ZNF653: variants seen among roughly 807,000 people sequenced by gnomAD.
The protein encoded by ZNF653 is zinc finger protein 653, also known as 67 kDa zinc finger protein.
In ZNF653, 37 loss-of-function variants were observed where a neutral mutation model predicts 59.9. The ratio of observed to expected loss-of-function variants is 0.62; its 90% confidence interval spans 0.48 to 0.81. The LOEUF is 0.81. ZNF653 is among the 40% of genes least tolerant of loss of function. The pLI is 0.00. For synonymous variants in ZNF653, 435 were observed against 371.8 expected, an observed-to-expected ratio of 1.17 and a Z score of -1.96; for missense variants, 808 against 881.1, an observed-to-expected ratio of 0.92 and a Z score of 1.05.
rs987073427 is a variant in ZNF653 at position 11,493,401 on chromosome 19, G to A, written c.559+2549C>T. ...TGAGTAAATATGTATAAGGGTTTAGGACAGTAGGAGATTAAAAGTATGTAC... is the reference window on the plus strand; with the variant it reads ...TGAGTAAATATGTATAAGGGTTTAGAACAGTAGGAGATTAAAAGTATGTAC... On this transcript the variant is annotated intron_variant, in intron 3 of 8. Coordinates refer to ENST00000293771, the MANE Select transcript of ZNF653 (RefSeq NM_138783.4). 4.6e-5 allele frequency among the ~76,000 whole-genome samples: 7 copies of A among 152,250 alleles called. No individual in the cohort carries two copies. In the South Asian group the frequency reaches 1.5e-3, roughly 32 times the overall value.
At position 11,483,544 on chromosome 19, in the gene ZNF653, G is replaced by A. The variant is rs1297839654; in HGVS notation, c.*138C>T. 4 of 1,418,408 alleles carry A rather than the reference G, an allele frequency of 2.8e-6. No individual in the cohort carries two copies. Among genetic ancestry groups the A allele is most frequent in the Non-Finnish European group, 3.7e-6 (4 of 1,085,094 alleles). The allele number at this position is 1,418,408 out of a possible 1,614,324, so 87.9% of individuals were successfully genotyped here. ...GCGGGGTGGGGAACCTGCCCAGGGG[G>A]CCCAGCTCTGGGGCGGGGCGGGGGC... is the stretch of plus-strand genomic sequence containing the variant. On this transcript the variant is annotated 3_prime_UTR_variant, in exon 9 of 9. Transcript: ENST00000293771.
At chr19:11,504,699 C>G (rs660887) in intron 1 of ZNF653, 58,329 of 345,106 alleles carry the variant, frequency 0.17, 11,753 homozygotes, top group African/African-American at 0.67. Flanking sequence ...GCTTGTGATA[C>G]GGAATAAACG....
At chr19:11,488,872 A>G (rs1971500274) in intron 3 of ZNF653, among the ~76,000 whole-genome samples, 1 of 150,902 alleles carries the variant, frequency 6.6e-6, no homozygotes, top group Non-Finnish European at 1.5e-5. Context: ...CTGGGATTAC[A>G]GGCATGAGCC....
At chr19:11,491,736 G>A (rs1003842831) in intron 3 of ZNF653, among the ~76,000 whole-genome samples, 5 of 151,848 alleles carry the variant, frequency 3.3e-5, no homozygotes, top group Non-Finnish European at 7.4e-5. Flanking sequence ...TACAGGTGCC[G>A]CCACCACGCC....
Position 11,505,657 on chromosome 19 carries a change from G to T in ZNF653, c.130C>A (p.Arg44=), listed in dbSNP as rs1324599148. ...RGRPRLTESD[R]ARRRLESRKK... is the part of the protein sequence containing the mutation. ...CGGGACTCGAGCCGTCGCCGGGCCC[G>T]GTCCGACTCCGTGAGTCGCGGCCGG... Residue 44 remains arginine, a synonymous_variant, in exon 1 of 9, where the codon CGG becomes AGG. Transcript: ENST00000293771. 4.7e-6 allele frequency: 7 copies of T among 1,495,400 alleles called. No homozygotes were observed. Among genetic ancestry groups the T allele is most frequent in the African/African-American group, 4.4e-5 (3 of 68,496 alleles). The allele number at this position is 1,495,400 out of a possible 1,614,324, so 92.6% of individuals were successfully genotyped here. A position where few individuals can be genotyped will look rare whatever the true frequency, so the allele number is the denominator to read the frequency against.
chr19:11,486,915 G>T (rs375704102), intron 5 of ZNF653, 35 bp from the exon 6 acceptor site: 1 of 1,610,532 alleles, frequency 6.2e-7, no homozygotes, highest in South Asian at 1.1e-5. Context: ...CGGGGCTCCC[G>T]CACCAGGCAG....
At position 11,487,754 on chromosome 19, in the gene ZNF653, T is replaced by A; in HGVS notation, c.709A>T (p.Ile237Phe). The A allele has an allele frequency of 6.2e-7, 1 of 1,613,230 alleles. No individual in the cohort carries two copies. ...PTSPVGSSGL[I>F]TQEGVHIPFD... ...GGAATGTGCACGCCCTCCTGAGTGATGAGCCCGCTGCTGCCCACCGGGCTG... is the reference window on the plus strand; with the variant it reads ...GGAATGTGCACGCCCTCCTGAGTGAAGAGCCCGCTGCTGCCCACCGGGCTG... The change falls in exon 4 of 9, where the codon ATC (isoleucine) becomes TTC (phenylalanine). Residue 237 changes from isoleucine to phenylalanine, a missense_variant. By Grantham distance (21) the Ile-to-Phe change is conservative. Coordinates refer to ENST00000293771, the MANE Select transcript of ZNF653 (RefSeq NM_138783.4). The surrounding 1 kb of genome is among the most constrained non-coding windows in gnomAD (Gnocchi z 5.1).
At chr19:11,497,254 G>C (rs1029841358) in intron 2 of ZNF653, among the ~76,000 whole-genome samples, 2 of 152,262 alleles carry the variant, frequency 1.3e-5, no homozygotes, top group South Asian at 4.1e-4. Context: ...CTCAAGAGCA[G>C]GAACACTGCT....
intron 1 of ZNF653, among the ~76,000 whole-genome samples, chr19:11,502,284 G>C (rs991107822): frequency 1.3e-5 from 2 of 151,802 alleles, no homozygotes; most frequent in African/African-American, 4.8e-5. Context: ...TAGAGACAGG[G>C]TTTTGGCCTA....
rs549258504 is a variant in ZNF653, at chr19:11,484,501, G to A, written c.1571-360C>T. Among the ~76,000 whole-genome samples, 4 of 152,154 alleles carry A rather than the reference G, an allele frequency of 2.6e-5. No homozygotes were observed. The South Asian group carries it at 6.2e-4, about 24-fold the overall frequency. Reference sequence around the variant, plus strand: ...ACCGCAACCACAACCTTGGTCTCGCGGGTTCAAGCGATTCTTCTGCCTCAG... The same window carrying A: ...ACCGCAACCACAACCTTGGTCTCGCAGGTTCAAGCGATTCTTCTGCCTCAG... On this transcript the variant is annotated intron_variant, in intron 7 of 8. Coordinates refer to ENST00000293771, the MANE Select transcript of ZNF653 (RefSeq NM_138783.4).
chr19:11,494,386 T>TAACATAA (rs1568395629), intron 3 of ZNF653, among the ~76,000 whole-genome samples: 40 of 101,514 alleles, frequency 3.9e-4, no homozygotes, highest in African/African-American at 1.6e-3. Context: ...ACATAAAACA[T>TAACATAA]AACATAACAT....
At chr19:11,504,172 C>A (rs4520944) in intron 1 of ZNF653, among the ~76,000 whole-genome samples, 7,790 of 152,124 alleles carry the variant, frequency 0.051, 238 homozygotes, top group African/African-American at 0.077. Context: ...GAGGCCGAGG[C>A]GGGTGGATCA....
chr19:11,487,279 A>T lies in ZNF653; in HGVS notation c.1171+13T>A. 1 of 1,607,590 alleles carries T rather than the reference A, an allele frequency of 6.2e-7. No homozygotes were observed. Among genetic ancestry groups the T allele is most frequent in the Non-Finnish European group, 8.5e-7 (1 of 1,175,884 alleles). On this transcript the variant is annotated intron_variant, in intron 4 of 8. Coordinates refer to ENST00000293771, the MANE Select transcript of ZNF653 (RefSeq NM_138783.4). The surrounding 1 kb of genome is among the most constrained non-coding windows in gnomAD (Gnocchi z 5.1). ...ACCACCCCTGGCCAGAGGCCACGAC[A>T]GGTCCCCCAGACCTTTCTTGGTCTC...
In ZNF653 at chr19:11,505,729, C is replaced by T; in HGVS notation, c.58G>A (p.Gly20Arg). 6.9e-7 allele frequency: 1 copy of T among 1,458,406 alleles called. No homozygotes were observed. The highest frequency in any genetic ancestry group is 9.0e-7 in the Non-Finnish European group (1 of 1,115,472). 90.3% of individuals were successfully genotyped at this position (1,458,406 alleles called of 1,614,324 possible). A position where few individuals can be genotyped will look rare whatever the true frequency, so the allele number is the denominator to read the frequency against. ...GCGCCCTCCTCGGCTGCTGCCTCCC[C>T]GCCCGCGCCCGCCTCAGCCTCCGCC... ...AEAEAEAGAG[G>R]EAAAEEGAAG... Residue 20 changes from glycine (G) to arginine (R), a missense_variant, in exon 1 of 9, where the codon GGG becomes AGG. Physicochemically the swap from Gly to Arg is moderately radical, Grantham distance 125. Transcript: ENST00000293771.
chr19:11,493,207 G>A (rs938871649), intron 3 of ZNF653, among the ~76,000 whole-genome samples: 5 of 151,424 alleles, frequency 3.3e-5, no homozygotes, highest in African/African-American at 9.7e-5. Flanking sequence ...ACAGGCATGC[G>A]CCACCATGCC....
intron 2 of ZNF653, among the ~76,000 whole-genome samples, chr19:11,498,013 C>G (rs1003440324): frequency 2.0e-5 from 3 of 152,230 alleles, no homozygotes; most frequent in African/African-American, 7.2e-5. Context: ...CAGACCTCCC[C>G]TCTAACCACC....
chr19:11,493,981 T>C (rs1479244333), intron 3 of ZNF653, among the ~76,000 whole-genome samples: 1 of 151,812 alleles, frequency 6.6e-6, no homozygotes, highest in African/African-American at 2.4e-5. Context: ...ATGGCACCAC[T>C]GCACTCCAGC....
At chr19:11,493,926 G>A (rs764028951) in intron 3 of ZNF653, among the ~76,000 whole-genome samples, 12 of 152,026 alleles carry the variant, frequency 7.9e-5, no homozygotes, top group Non-Finnish European at 1.5e-5. Flanking sequence ...GGCCAGGGTG[G>A]GAGGATCACT....
chr19:11,483,855 C>A lies in ZNF653; in HGVS notation c.1675G>T (p.Glu559Ter). The A allele has an allele frequency of 6.3e-7, 1 of 1,588,368 alleles. No homozygotes were observed. The highest frequency in any genetic ancestry group is 8.5e-7 in the Non-Finnish European group (1 of 1,169,954). ...THTGETPLQCEICGYQCRQRA... is the reference protein window; with the variant it reads ...THTGETPLQC ...TGCCGGCACTGGTAGCCACAGATCTCGCACCTGCCGGGAGCCCGTGGCGGG... is the reference window on the plus strand; with the variant it reads ...TGCCGGCACTGGTAGCCACAGATCTAGCACCTGCCGGGAGCCCGTGGCGGG... The change falls in exon 9 of 9, where the codon GAG (glutamate) becomes TAG (stop). Residue 559 changes from glutamate (E) to a stop codon, truncating the protein, a stop_gained. Coordinates refer to ENST00000293771, the MANE Select transcript of ZNF653 (RefSeq NM_138783.4). LOFTEE classifies it high-confidence loss of function.
Sources: gnomAD v4.1 joint callset for allele counts (sites outside exome capture counted in the v4.1 genomes callset) on GRCh38, gnomAD v4.1.1 for gene constraint, Gnocchi (gnomAD v3.1) non-coding constraint, MANE v1.5 for transcripts, NCBI Gene and HGNC (gene_info 2026-07-23, HGNC 2026-07-21) for gene names.